The following ZFYVE1 variants were observed in gnomAD, a reference collection of about 807,000 sequenced individuals.
The protein encoded by ZFYVE1 is zinc finger FYVE domain-containing protein 1.
Under a neutral mutation model 74.4 loss-of-function variants are expected in ZFYVE1, and 30 were observed. That is an observed-to-expected ratio of 0.40 (90% CI 0.30 to 0.55). The LOEUF is 0.55. Ranked by LOEUF, ZFYVE1 falls within the 20% of genes least tolerant of loss-of-function variation. The pLI, the probability that ZFYVE1 is intolerant of heterozygous loss-of-function variation, is 0.42. For missense variants in ZFYVE1, 703 were observed against 1,011.6 expected (o/e 0.69, Z 4.14); for synonymous variants, 335 against 385.1 (o/e 0.87, Z 1.52).
intron 2 of ZFYVE1, among the ~76,000 whole-genome samples, chr14:73,021,960 A>C (rs1320848792): frequency 6.6e-6 from 1 of 152,200 alleles, no homozygotes; most frequent in Non-Finnish European, 1.5e-5. Context: ...TGCCAATGCA[A>C]TCCATGAGGG....
At chr14:72,983,496 C>T (rs918094766) in intron 4 of ZFYVE1, among the ~76,000 whole-genome samples, 19 of 152,014 alleles carry the variant, frequency 1.2e-4, no homozygotes, top group South Asian at 2.1e-4. Flanking sequence ...ATGATGGTTT[C>T]CAGCTTCATC....
chr14:73,002,152 T>C (rs1032487950), intron 2 of ZFYVE1, among the ~76,000 whole-genome samples: 34 of 152,016 alleles, frequency 2.2e-4, no homozygotes, highest in Admixed American at 2.0e-3. Context: ...GAAAACATGG[T>C]AAGTGAAAGG....
chr14:72,998,097 G>T lies in ZFYVE1; in HGVS notation c.702C>A (p.Ile234=). The T allele has an allele frequency of 6.2e-7, 1 of 1,614,046 alleles. No individual in the cohort carries two copies. Among genetic ancestry groups the T allele is most frequent in the Non-Finnish European group, 8.5e-7 (1 of 1,180,016 alleles). Residue 234 remains isoleucine, a synonymous_variant, in exon 3 of 12, where the codon ATC becomes ATA. Transcript: ENST00000556143. ...AYDPVHKVAV[I]DTEGLLGATV... ...TGGCCCCCAGGAGCCCTTCCGTATC[G>T]ATCACTGCTACTTTGTGAACTGGGT...
intron 4 of ZFYVE1, among the ~76,000 whole-genome samples, chr14:72,984,594 T>C (rs1009904243): frequency 6.6e-6 from 1 of 152,050 alleles, no homozygotes; most frequent in Non-Finnish European, 1.5e-5. Flanking sequence ...ATAGAAATGC[T>C]GAGAATAAAT....
chr14:73,020,441 T>C (rs1185286679), intron 2 of ZFYVE1, among the ~76,000 whole-genome samples: 2 of 152,024 alleles, frequency 1.3e-5, no homozygotes, highest in Non-Finnish European at 2.9e-5. Context: ...CAACCTCCAC[T>C]TCCCGGGTTC....
intron 4 of ZFYVE1, among the ~76,000 whole-genome samples, chr14:72,990,715 T>TTTTTTTA (rs1893589772): frequency 7.7e-6 from 1 of 130,166 alleles, no homozygotes; most frequent in Non-Finnish European, 1.7e-5. Context: ...TTTTTTTTTT[T>TTTTTTTA]GAGAGGGAGT....
intron 2 of ZFYVE1, among the ~76,000 whole-genome samples, chr14:73,007,293 C>T (rs1224906375): frequency 6.6e-6 from 1 of 152,158 alleles, no homozygotes; most frequent in East Asian, 1.9e-4. Context: ...ACCTGGAAAA[C>T]ACTCTTAAGA....
intron 5 of ZFYVE1, among the ~76,000 whole-genome samples, chr14:72,980,184 G>A (rs771963466): frequency 2.0e-5 from 3 of 152,186 alleles, no homozygotes; most frequent in African/African-American, 7.2e-5. Context: ...CAAGAAGCAG[G>A]TCTTTTTCTC....
chr14:73,018,172 T>C (rs1894239003), intron 2 of ZFYVE1, among the ~76,000 whole-genome samples: 1 of 152,176 alleles, frequency 6.6e-6, no homozygotes, highest in African/African-American at 2.4e-5. Context: ...GGCTCATGCC[T>C]ATAATCCCAG....
chr14:72,972,709 C>CT (rs764679644), intron 11 of ZFYVE1, among the ~76,000 whole-genome samples: 1,972 of 140,292 alleles, frequency 0.014, 36 homozygotes, highest in African/African-American at 0.037. Context: ...TTTAAATCTT[C>CT]TTTTTTTTTT....
chr14:73,021,418 A>G (rs1374289411), intron 2 of ZFYVE1, among the ~76,000 whole-genome samples: 1 of 152,208 alleles, frequency 6.6e-6, no homozygotes, highest in Non-Finnish European at 1.5e-5. Flanking sequence ...GACAACACCA[A>G]TCCGTAAGTA....
chr14:72,984,753 G>A (rs1426309093), intron 4 of ZFYVE1, among the ~76,000 whole-genome samples: 1 of 152,056 alleles, frequency 6.6e-6, no homozygotes, highest in African/African-American at 2.4e-5. Flanking sequence ...ATCACTCTCT[G>A]CCTTCTCTGA....
rs1377638904 is a variant in ZFYVE1 at position 72,969,640 on chromosome 14, G to A, written c.*1242C>T. The A allele has an allele frequency of 1.4e-6, 1 of 695,888 alleles. No individual in the cohort carries two copies. Among genetic ancestry groups the A allele is most frequent in the African/African-American group, 1.8e-5 (1 of 56,730 alleles). 43.1% of individuals were successfully genotyped at this position (695,888 alleles called of 1,614,324 possible). ...TCCCTAAAGCTCAACCCACCCACCA[G>A]TTCAGTTAAGAATTATACTTTAATT... On this transcript the variant is annotated 3_prime_UTR_variant, in exon 12 of 12. Transcript: ENST00000556143.
chr14:73,023,182 A>AT lies in ZFYVE1; in HGVS notation c.483+843dup, dbSNP rs1283965471. ...TCTCAAAAAATATATATATATATAT[A>AT]TATATATATATTTTATATATGTTTT... is the stretch of plus-strand genomic sequence containing the variant. On this transcript the variant is annotated intron_variant, in intron 2 of 11. Coordinates refer to ENST00000556143, the MANE Select transcript of ZFYVE1 (RefSeq NM_021260.4). Among the ~76,000 whole-genome samples, 32 of 137,058 alleles carry AT rather than the reference A, an allele frequency of 2.3e-4. 4 individuals carry two copies. Among genetic ancestry groups the AT allele is most frequent in the Admixed American group, 4.0e-4 (5 of 12,394 alleles). The allele number at this position is 137,058 out of a possible 152,430, so 89.9% of individuals were successfully genotyped here.
chr14:72,980,566 TTTA>T (rs1893300163), intron 5 of ZFYVE1, among the ~76,000 whole-genome samples: 1 of 147,150 alleles, frequency 6.8e-6, no homozygotes, highest in African/African-American at 2.4e-5. Flanking sequence ...TATTTATTTA[TTTA>T]TTTATTTATT....
chr14:72,970,659 G>C lies in ZFYVE1; in HGVS notation c.*223C>G, dbSNP rs1195948783. Reference sequence around the variant, plus strand: ...AACTGAAATAAATGCAACGGATTCAGGTTCATTCCCCTTTGCGATAAGTTG... The same window carrying C: ...AACTGAAATAAATGCAACGGATTCACGTTCATTCCCCTTTGCGATAAGTTG... On this transcript the variant is annotated 3_prime_UTR_variant, in exon 12 of 12. Transcript: ENST00000556143. 11 of 590,082 alleles carry C rather than the reference G, an allele frequency of 1.9e-5. No individual in the cohort carries two copies. Among genetic ancestry groups the C allele is most frequent in the Non-Finnish European group, 3.0e-5 (10 of 329,818 alleles). The allele number at this position is 590,082 out of a possible 1,614,324, so 36.6% of individuals were successfully genotyped here.
chr14:73,018,309 T>A (rs2140387874), intron 2 of ZFYVE1, among the ~76,000 whole-genome samples: 1 of 151,898 alleles, frequency 6.6e-6, no homozygotes, highest in East Asian at 1.9e-4. Flanking sequence ...TGGGTGCCTG[T>A]AATCCCACCT....
chr14:73,015,676 G>A (rs760551652), intron 2 of ZFYVE1, among the ~76,000 whole-genome samples: 6 of 152,070 alleles, frequency 3.9e-5, no homozygotes, highest in Non-Finnish European at 5.9e-5. Flanking sequence ...GAGCCACCAC[G>A]CCCGGCCTGC....
intron 2 of ZFYVE1, among the ~76,000 whole-genome samples, chr14:73,003,005 G>A (rs1893905503): frequency 6.7e-6 from 1 of 148,952 alleles, no homozygotes; most frequent in Non-Finnish European, 1.5e-5. Context: ...GCCTCCCAAA[G>A]CACTGGGATT....
Sources: allele counts gnomAD v4.1 joint callset (sites outside exome capture counted in the v4.1 genomes callset), GRCh38; gene constraint gnomAD v4.1.1; transcripts MANE v1.5; gene names NCBI Gene and HGNC (gene_info 2026-07-23, HGNC 2026-07-21).